The following PTPRN variants were observed in gnomAD, a reference collection of about 807,000 sequenced individuals.
The protein encoded by PTPRN is receptor-type tyrosine-protein phosphatase-like N.
PTPRN carries 70 observed loss-of-function variants against 108.5 expected under a neutral mutation model. The observed-to-expected ratio is 0.65, with a 90% confidence interval of 0.53 to 0.79. The LOEUF (loss-of-function observed/expected upper bound fraction) is 0.79, where lower values mean the gene tolerates loss of function less well. PTPRN is among the 30% of genes least tolerant of loss of function. PTPRN has a pLI of 0.00. For missense variants in PTPRN, 1,136 were observed against 1,295.5 expected (o/e 0.88, Z 1.89); for synonymous variants, 496 against 524.6 (o/e 0.95, Z 0.75).
chr2:219,303,001 G>A (rs1304484992), intron 4 of PTPRN, among the ~76,000 whole-genome samples, 164 bp from the exon 5 acceptor site: 2 of 152,204 alleles, frequency 1.3e-5, no homozygotes, highest in Admixed American at 6.5e-5. Flanking sequence ...GGGTGGGAAT[G>A]GGGAGGGACC....
Position 219,290,849 on chromosome 2 carries a change from A to G in PTPRN, c.2771T>C (p.Met924Thr). The part of the protein sequence containing the change: ...GRTGTYILID[M>T]VLNRMAKGVK... ...ACCTTTTGCCATGCGGTTCAGGACC[A>G]TGTCGATGAGGATGTAGGTGCCGGT... Residue 924 changes from methionine (M) to threonine (T), a missense_variant, in exon 21 of 23, where the codon ATG becomes ACG. By Grantham distance (81) the Met-to-Thr change is moderately conservative (BLOSUM62 -1). Transcript: ENST00000295718. This position sits in a 1 kb window ranked among gnomAD's most constrained non-coding sequence, Gnocchi z 4.2. 1 of 1,614,130 alleles carries G rather than the reference A, an allele frequency of 6.2e-7. No homozygotes were observed. Among genetic ancestry groups the G allele is most frequent in the African/African-American group, 1.3e-5 (1 of 75,016 alleles).
intron 3 of PTPRN, 97 bp downstream of exon 3, chr2:219,307,347 G>A (rs1952508549): frequency 1.9e-6 from 2 of 1,027,468 alleles, no homozygotes; most frequent in Non-Finnish European, 2.9e-6. Flanking sequence ...GGCTCCAGCA[G>A]TGGGGGTGAT....
rs184969593 is a variant in PTPRN, at chr2:219,295,900, G to A, written c.2508+326C>T. On this transcript the variant is annotated intron_variant, in intron 18 of 22. Coordinates refer to ENST00000295718, the MANE Select transcript of PTPRN (RefSeq NM_002846.4). ...CACTTAGCTGTTAGCTTCTTACCTCGGTTTTGGTGGTTTTATAGTTTGATC... is the reference window on the plus strand; with the variant it reads ...CACTTAGCTGTTAGCTTCTTACCTCAGTTTTGGTGGTTTTATAGTTTGATC... 2.1e-3 allele frequency: 534 copies of A among 249,812 alleles called. 11 individuals are homozygous for A. The highest frequency in any genetic ancestry group is 1.5e-3 in the Middle Eastern group (1 of 688). 15.5% of individuals were successfully genotyped at this position (249,812 alleles called of 1,614,324 possible). A position where few individuals can be genotyped will look rare whatever the true frequency, so the allele number is the denominator to read the frequency against.
intron 10 of PTPRN, 144 bp downstream of exon 10, chr2:219,299,556 G>A: frequency 8.8e-7 from 1 of 1,141,788 alleles, no homozygotes; most frequent in South Asian, 1.4e-5. Context: ...AACGGGCTGG[G>A]TGTGGCTGTA....
Position 219,290,491 on chromosome 2 carries a change from G to A in PTPRN, c.2868+47C>T. ...TCCCTGGGGTGGCCAAGAAGTGGGT[G>A]CTAGGGAAGGGTGGGAGCTGGGGTT... On this transcript the variant is annotated intron_variant, in intron 22 of 22. Transcript: ENST00000295718. This position sits in a 1 kb window ranked among gnomAD's most constrained non-coding sequence, Gnocchi z 4.2. The A allele has an allele frequency of 1.3e-6, 2 of 1,520,036 alleles. No individual in the cohort carries two copies. Among genetic ancestry groups the A allele is most frequent in the Non-Finnish European group, 8.9e-7 (1 of 1,119,558 alleles). 94.2% of individuals were successfully genotyped at this position (1,520,036 alleles called of 1,614,324 possible).
Position 219,290,154 on chromosome 2 carries a change from T to A in PTPRN, c.*72A>T. On this transcript the variant is annotated 3_prime_UTR_variant, in exon 23 of 23. Coordinates refer to ENST00000295718, the MANE Select transcript of PTPRN (RefSeq NM_002846.4). This position sits in a 1 kb window ranked among gnomAD's most constrained non-coding sequence, Gnocchi z 4.2. ...AGGTGGCTGGTGGGGCAGTGAGGAG[T>A]GGGTACACAGAGATGCTCACACAGG... The A allele has an allele frequency of 1.4e-6, 2 of 1,380,522 alleles. No homozygotes were observed. Among genetic ancestry groups the A allele is most frequent in the Non-Finnish European group, 1.0e-6 (1 of 971,306 alleles). The allele number at this position is 1,380,522 out of a possible 1,614,324, so 85.5% of individuals were successfully genotyped here. A position where few individuals can be genotyped will look rare whatever the true frequency, so the allele number is the denominator to read the frequency against.
chr2:219,304,754 C>A (rs1488521134), intron 3 of PTPRN, among the ~76,000 whole-genome samples: 5 of 152,210 alleles, frequency 3.3e-5, no homozygotes, highest in Non-Finnish European at 7.3e-5. Context: ...CCTTGCAATT[C>A]TCTCTTCTTT....
chr2:219,303,636 G>T, intron 4 of PTPRN, 99 bp downstream of exon 4: 3 of 1,117,472 alleles, frequency 2.7e-6, no homozygotes, highest in Non-Finnish European at 4.0e-6. Context: ...CAGCATGCTG[G>T]CCTTGGTGCC....
At chr2:219,302,871 G>C (rs368221291) in intron 4 of PTPRN, 34 bp from the exon 5 acceptor site, 16 of 1,596,352 alleles carry the variant, frequency 1.0e-5, no homozygotes, top group African/African-American at 4.1e-5. Flanking sequence ...GTGTTGGAGC[G>C]GGGGAAAGGG....
rs963831597 is a variant in PTPRN, at chr2:219,302,784, T to A, written c.431A>T (p.Asp144Val). The A allele has an allele frequency of 4.3e-6, 7 of 1,613,576 alleles. No homozygotes were observed. The African/African-American group carries it at 9.3e-5, about 22-fold the overall frequency. ...AGCAGGGGCGGAGCCAGTGGGGATG[T>A]CCTGTAAAAGCAGCTCTCCAGCAGG... ...PGPAGELLLQDIPTGSAPAAQ... is the reference protein window; with the variant it reads ...PGPAGELLLQVIPTGSAPAAQ... Residue 144 changes from aspartate (D) to valine (V), a missense_variant, in exon 5 of 23, where the codon GAC (aspartate) becomes GTC (valine). Transcript: ENST00000295718.
In PTPRN at chr2:219,296,800, C is replaced by A. The variant is rs1952208608; in HGVS notation, c.2259G>T (p.Leu753=). ...FLPYDHARIK[L]KVESSPSRSD... is the part of the protein sequence containing the mutation. ...TCCGAGAAGGGCTGCTCTCCACCTT[C>A]AGTTTTATGCGGGCATGGTCATCTG... is the stretch of plus-strand genomic sequence containing the variant. The change falls in exon 16 of 23, where the codon CTG becomes CTT. Residue 753 remains leucine (L), a synonymous_variant. Coordinates refer to ENST00000295718, the MANE Select transcript of PTPRN (RefSeq NM_002846.4). The surrounding 1 kb of genome is among the most constrained non-coding windows in gnomAD (Gnocchi z 6.0). The A allele has an allele frequency of 6.2e-7, 1 of 1,613,920 alleles. No individual in the cohort carries two copies. Among genetic ancestry groups the A allele is most frequent in the Non-Finnish European group, 8.5e-7 (1 of 1,179,986 alleles).
At chr2:219,291,571 G>A (rs1427177042) in intron 19 of PTPRN, 48 bp from the exon 20 acceptor site, 2 of 1,571,516 alleles carry the variant, frequency 1.3e-6, no homozygotes, top group African/African-American at 1.4e-5. Context: ...AGCAGAGAGG[G>A]AAAGGGAAGC....
chr2:219,290,236 A>G lies in PTPRN; in HGVS notation c.2930T>C (p.Leu977Pro). The change falls in exon 23 of 23, where the codon CTG becomes CCG. Residue 977 changes from leucine (L) to proline (P), a missense_variant. Physicochemically the swap from Leu to Pro is moderately conservative, Grantham distance 98. Coordinates refer to ENST00000295718, the MANE Select transcript of PTPRN (RefSeq NM_002846.4). The surrounding 1 kb of genome is among the most constrained non-coding windows in gnomAD (Gnocchi z 4.2). ...AGGGGCCCCAGGGTCTCACTGGGGC[A>G]GGGCCTTGAGGATGGCATTCACTTC... Reference protein sequence around the residue: ...AEEVNAILKALPQ With the variant: ...AEEVNAILKAPPQ The G allele has an allele frequency of 1.2e-6, 2 of 1,614,004 alleles. No individual in the cohort carries two copies. The highest frequency in any genetic ancestry group is 1.1e-5 in the South Asian group (1 of 91,082).
chr2:219,301,862 C>T lies in PTPRN; in HGVS notation c.995-143G>A, dbSNP rs143138641. The T allele has an allele frequency of 1.2e-3, 1,347 of 1,163,072 alleles. 10 individuals carry two copies. In the African/African-American group the frequency reaches 0.018, roughly 15 times the overall value. The allele number at this position is 1,163,072 out of a possible 1,614,324, so 72.0% of individuals were successfully genotyped here. ...GACACCAAGAGATGCCCTCCCTTTC[C>T]CAGCCCTTGTCCACACTTTGGGGGA... On this transcript the variant is annotated intron_variant, in intron 6 of 22. Coordinates refer to ENST00000295718, the MANE Select transcript of PTPRN (RefSeq NM_002846.4).
chr2:219,301,886 G>A (rs1375084921), intron 6 of PTPRN, among the ~76,000 whole-genome samples, 167 bp from the exon 7 acceptor site: 1 of 152,136 alleles, frequency 6.6e-6, no homozygotes, highest in Non-Finnish European at 1.5e-5. Context: ...CACTTTGGGG[G>A]AAAGTTCTTC....
rs768858288 is a variant in PTPRN, at chr2:219,297,383, C to T, written c.1938G>A (p.Glu646=). The T allele has an allele frequency of 6.2e-6, 10 of 1,614,026 alleles. No homozygotes were observed. In the East Asian group the frequency reaches 1.6e-4, roughly 25 times the overall value. Residue 646 remains glutamate, a synonymous_variant, in exon 14 of 23, where the codon GAG becomes GAA. Transcript: ENST00000295718. The surrounding 1 kb of genome is among the most constrained non-coding windows in gnomAD (Gnocchi z 6.0). The stretch of plus-strand genomic sequence containing the variant: ...TCACCCGTGAAGGCTCCGGTGGACC[C>T]TCTGCCCGGTTGAACAAGGACTTCG... ...MATKSLFNRA[E]GPPEPSRVSS...
chr2:219,291,919 G>A (rs1952063039), intron 19 of PTPRN: 1 of 249,400 alleles, frequency 4.0e-6, no homozygotes, highest in Non-Finnish European at 7.8e-6. Context: ...ATGGTAGCAG[G>A]TGGCAACTAT....
intron 3 of PTPRN, chr2:219,304,240 A>G (rs552299145): frequency 1.9e-5 from 3 of 155,576 alleles, no homozygotes; most frequent in Non-Finnish European, 4.3e-5. Flanking sequence ...TATTATTACT[A>G]TTGTTATTAT....
rs1440972962 is a variant in PTPRN, at chr2:219,290,321, G to A, written c.2869-24C>T. On this transcript the variant is annotated intron_variant, in intron 22 of 22. Coordinates refer to ENST00000295718, the MANE Select transcript of PTPRN (RefSeq NM_002846.4). The surrounding 1 kb of genome is among the most constrained non-coding windows in gnomAD (Gnocchi z 4.2). ...TCCTGAGGAAGGGCAGTGGTAGGATGGTCATGGAGAGGGCTGACCTGTGCT... is the reference window on the plus strand; with the variant it reads ...TCCTGAGGAAGGGCAGTGGTAGGATAGTCATGGAGAGGGCTGACCTGTGCT... The A allele has an allele frequency of 1.2e-6, 2 of 1,609,838 alleles. No individual in the cohort carries two copies. Among genetic ancestry groups the A allele is most frequent in the Admixed American group, 3.3e-5 (2 of 59,800 alleles).
Sources: allele counts gnomAD v4.1 joint callset (sites outside exome capture counted in the v4.1 genomes callset), GRCh38; gene constraint gnomAD v4.1.1; non-coding constraint Gnocchi (gnomAD v3.1); transcripts MANE v1.5; gene names NCBI Gene and HGNC (gene_info 2026-07-23, HGNC 2026-07-21).